Variants in TNIK observed in about 807,000 individuals in gnomAD.
TNIK encodes the protein TRAF2 and NCK-interacting protein kinase.
A neutral mutation model predicts 191.3 loss-of-function variants in TNIK; 49 were observed. That is an observed-to-expected ratio of 0.26 (90% confidence interval 0.20 to 0.32). TNIK has a LOEUF of 0.32. TNIK is among the 10% of genes least tolerant of loss of function. The pLI, the probability that TNIK is intolerant of heterozygous loss-of-function variation, is 1.00. For synonymous variants in TNIK, 594 were observed against 600.9 expected (o/e 0.99, Z 0.17); for missense variants, 1,155 against 1,702.3 (o/e 0.68, Z 5.66).
At chr3:171,255,921 G>A (rs140913059) in intron 2 of TNIK, among the ~76,000 whole-genome samples, 2 of 152,252 alleles carry the variant, frequency 1.3e-5, no homozygotes, top group Admixed American at 1.3e-4. Context: ...TTGTGGGTAT[G>A]GCTTAGTGGT....
chr3:171,446,708 G>C (rs914407387), intron 1 of TNIK, among the ~76,000 whole-genome samples: 1 of 152,120 alleles, frequency 6.6e-6, no homozygotes, highest in Admixed American at 6.6e-5. Flanking sequence ...TTTGATTTTA[G>C]CAATTGTCTG....
chr3:171,241,093 C>A (rs1055013113), intron 2 of TNIK, among the ~76,000 whole-genome samples: 1 of 151,410 alleles, frequency 6.6e-6, no homozygotes, highest in African/African-American at 2.4e-5. Flanking sequence ...TGCAACGGCA[C>A]GATCTTGGCT....
At chr3:171,450,695 A>C (rs1728071829) in intron 1 of TNIK, among the ~76,000 whole-genome samples, 1 of 152,188 alleles carries the variant, frequency 6.6e-6, no homozygotes. Flanking sequence ...TATGCCTTTT[A>C]TCAGAAGGTG....
chr3:171,263,600 A>G (rs192273624), intron 2 of TNIK, among the ~76,000 whole-genome samples: 111 of 152,280 alleles, frequency 7.3e-4, no homozygotes, highest in African/African-American at 2.6e-3. Flanking sequence ...ATGATGTATA[A>G]AACATACTTT....
chr3:171,097,253 A>T (rs1170607900), intron 22 of TNIK, among the ~76,000 whole-genome samples: 1 of 152,226 alleles, frequency 6.6e-6, no homozygotes, highest in Non-Finnish European at 1.5e-5. Flanking sequence ...AAAGGCATTG[A>T]TCTAAGTAAC....
At chr3:171,318,297 G>A (rs1754846509) in intron 2 of TNIK, among the ~76,000 whole-genome samples, 1 of 151,952 alleles carries the variant, frequency 6.6e-6, no homozygotes, top group Admixed American at 6.6e-5. Flanking sequence ...CAAAACACAG[G>A]CGTAACATAA....
rs1396116597 is a variant in TNIK at position 171,058,713 on chromosome 3, A to G, written c.*5168T>C. Among the ~76,000 whole-genome samples the G allele has an allele frequency of 3.3e-5, 5 of 152,230 alleles. No homozygotes were observed. The highest frequency in any genetic ancestry group is 7.2e-5 in the African/African-American group (3 of 41,470). ...TACTTTTGAAAACTGGAGATTTAAA[A>G]AATGTAAACAATTGTAGGCACAGCA... On this transcript the variant is annotated 3_prime_UTR_variant, in exon 33 of 33. Coordinates refer to ENST00000436636, the MANE Select transcript of TNIK (RefSeq NM_015028.4).
intron 11 of TNIK, among the ~76,000 whole-genome samples, chr3:171,158,712 TACAG>T (rs1733560421): frequency 6.6e-6 from 1 of 152,074 alleles, no homozygotes; most frequent in Non-Finnish European, 1.5e-5. Context: ...GGGACACACA[TACAG>T]ACAAATAATT....
rs114829508 is a variant in TNIK at position 171,089,434 on chromosome 3, A to G, written c.2722-1928T>C. Among the ~76,000 whole-genome samples the G allele has an allele frequency of 7.2e-3, 1,098 of 152,316 alleles. 6 individuals are homozygous for G. Among genetic ancestry groups the G allele is most frequent in the Middle Eastern group, 0.024 (7 of 294 alleles). Reference sequence around the variant, plus strand: ...CATTTTCCCCAAACCTCTCTTTAGCATAAATCACATGTCATCTCTTTGGAA... The same window carrying G: ...CATTTTCCCCAAACCTCTCTTTAGCGTAAATCACATGTCATCTCTTTGGAA... On this transcript the variant is annotated intron_variant, in intron 23 of 32. Coordinates refer to ENST00000436636, the MANE Select transcript of TNIK (RefSeq NM_015028.4).
At chr3:171,445,400 C>G (rs1375912445) in intron 1 of TNIK, among the ~76,000 whole-genome samples, 1 of 146,468 alleles carries the variant, frequency 6.8e-6, no homozygotes, top group Non-Finnish European at 1.5e-5. Context: ...GCCTGGGTGA[C>G]AGAGTGAGAC....
At chr3:171,113,994 T>C (rs1726283450) in intron 18 of TNIK, among the ~76,000 whole-genome samples, 1 of 66,610 alleles carries the variant, frequency 1.5e-5, no homozygotes, top group African/African-American at 6.7e-5. Flanking sequence ...TTTTACGATT[T>C]TGTTAAAAAA....
At chr3:171,113,335 G>T (rs375352486) in intron 18 of TNIK, among the ~76,000 whole-genome samples, 27 of 152,256 alleles carry the variant, frequency 1.8e-4, no homozygotes, top group African/African-American at 6.5e-4. Context: ...GCCAGGCACG[G>T]TGGCTCACGC....
chr3:171,257,532 T>C (rs1472582748), intron 2 of TNIK, among the ~76,000 whole-genome samples: 1 of 152,214 alleles, frequency 6.6e-6, no homozygotes, highest in Non-Finnish European at 1.5e-5. Context: ...ATAGTATTTA[T>C]GCTCATCACA....
intron 2 of TNIK, among the ~76,000 whole-genome samples, chr3:171,230,109 T>G (rs1203159739): frequency 6.6e-6 from 1 of 152,114 alleles, no homozygotes. Context: ...TTCCACAAGA[T>G]TGATAGGGAG....
chr3:171,424,872 C>G (rs74383396), intron 1 of TNIK, among the ~76,000 whole-genome samples: 3 of 150,826 alleles, frequency 2.0e-5, no homozygotes, highest in African/African-American at 7.3e-5. Flanking sequence ...TTAGGAGATA[C>G]ACCTAATGTT....
At chr3:171,343,136 A>T (rs1451148844) in intron 2 of TNIK, among the ~76,000 whole-genome samples, 1 of 152,108 alleles carries the variant, frequency 6.6e-6, no homozygotes, top group Admixed American at 6.6e-5. Flanking sequence ...CTCAAGGTAG[A>T]GTCTAACTCC....
intron 10 of TNIK, among the ~76,000 whole-genome samples, chr3:171,166,185 G>C (rs547321614): frequency 3.3e-5 from 5 of 152,168 alleles, no homozygotes; most frequent in Non-Finnish European, 7.4e-5. Flanking sequence ...GGAATGCAAA[G>C]TTCAAAAGTG....
At chr3:171,263,464 A>G (rs943711424) in intron 2 of TNIK, among the ~76,000 whole-genome samples, 6 of 152,232 alleles carry the variant, frequency 3.9e-5, no homozygotes, top group Non-Finnish European at 7.3e-5. Flanking sequence ...CAATTTTGAG[A>G]GAAAAAAAGG....
rs925053159 is a variant in TNIK at position 171,063,594 on chromosome 3, T to C, written c.*287A>G. On this transcript the variant is annotated 3_prime_UTR_variant, in exon 33 of 33. Transcript: ENST00000436636. Reference sequence around the variant, plus strand: ...AATCGTTAAGAGCACACAATATTTGTTTCTATCCCTAATTCCGAAGGGCAC... The same window carrying C: ...AATCGTTAAGAGCACACAATATTTGCTTCTATCCCTAATTCCGAAGGGCAC... 6.7e-6 allele frequency: 2 copies of C among 299,274 alleles called. No homozygotes were observed. Among genetic ancestry groups the C allele is most frequent in the African/African-American group, 4.4e-5 (2 of 45,894 alleles). The allele number at this position is 299,274 out of a possible 1,614,324, so 18.5% of individuals were successfully genotyped here.
Sources: allele counts gnomAD v4.1 joint callset (sites outside exome capture counted in the v4.1 genomes callset), GRCh38; gene constraint gnomAD v4.1.1; transcripts MANE v1.5; gene names NCBI Gene and HGNC (gene_info 2026-07-23, HGNC 2026-07-21).